The following TRAPPC9 variants were observed in gnomAD, a reference collection of about 807,000 sequenced individuals.
The protein encoded by TRAPPC9 is trafficking protein particle complex subunit 9, also known as IKK2 binding protein.
In TRAPPC9, 83 loss-of-function variants were observed where a neutral mutation model predicts 124.0. The ratio of observed to expected loss-of-function variants is 0.67; its 90% CI spans 0.56 to 0.80. The LOEUF is 0.80. Among genes scored for constraint, TRAPPC9 ranks in the 30% least tolerant of loss-of-function variants. The probability of loss-of-function intolerance (pLI) is 0.00; values close to 1 mark genes in which losing one functional copy is unlikely to be tolerated. For missense variants in TRAPPC9, 1,302 were observed against 1,508.3 expected, an observed-to-expected ratio of 0.86 and a Z score of 2.27; for synonymous variants, 638 against 617.5, an observed-to-expected ratio of 1.03 and a Z score of -0.49.
chr8:139,810,575 G>C (rs545244065), intron 21 of TRAPPC9, among the ~76,000 whole-genome samples: 2 of 152,154 alleles, frequency 1.3e-5, no homozygotes, highest in Non-Finnish European at 2.9e-5. Flanking sequence ...ACTGCGTAAA[G>C]CTCTCCTCCT....
chr8:140,360,919 T>C (rs1305271788), intron 8 of TRAPPC9, among the ~76,000 whole-genome samples: 2 of 152,210 alleles, frequency 1.3e-5, no homozygotes, highest in African/African-American at 4.8e-5. Flanking sequence ...TTTTTTCCAG[T>C]AGAGACAGGG....
At chr8:140,018,575 C>T (rs1839632512) in intron 18 of TRAPPC9, among the ~76,000 whole-genome samples, 1 of 152,000 alleles carries the variant, frequency 6.6e-6, no homozygotes, top group South Asian at 2.1e-4. Flanking sequence ...GATCCACCCA[C>T]CTCAGCCTCC....
rs748147051 is a variant in TRAPPC9 at position 140,024,107 on chromosome 8, C to T, written c.2557-28G>A. The T allele has an allele frequency of 5.6e-6, 9 of 1,608,808 alleles. No homozygotes were observed. In the South Asian group the frequency reaches 8.8e-5, roughly 16 times the overall value. On this transcript the variant is annotated intron_variant, in intron 17 of 22. Transcript: ENST00000438773. ...AAAAGATATTAAAAAAAAAAATACA[C>T]ACACACACATTAGTAACTCTCTAGT...
intron 21 of TRAPPC9, among the ~76,000 whole-genome samples, chr8:139,836,452 G>GT (rs1400711935): frequency 2.0e-5 from 3 of 152,292 alleles, no homozygotes; most frequent in South Asian, 2.1e-4. Flanking sequence ...GAAGCCGCTG[G>GT]GGGGACCTGG....
At chr8:139,743,828 A>C (rs1001151643) in intron 21 of TRAPPC9, among the ~76,000 whole-genome samples, 1 of 152,138 alleles carries the variant, frequency 6.6e-6, no homozygotes, top group African/African-American at 2.4e-5. Flanking sequence ...CTCTACTGCT[A>C]ATGTGGTTGG....
rs2065104261 is a variant in TRAPPC9, at chr8:140,275,948, G to A, written c.2115-127C>T. 6 of 769,684 alleles carry A rather than the reference G, an allele frequency of 7.8e-6. No individual in the cohort carries two copies. The South Asian group carries it at 9.6e-5, about 12-fold the overall frequency. 47.7% of individuals were successfully genotyped at this position (769,684 alleles called of 1,614,324 possible). A position where few individuals can be genotyped will look rare whatever the true frequency, so the allele number is the denominator to read the frequency against. ...CAGAAACAGGGGCTAGGAAATCTGGGCTTCATATATGGAGTTCAGTATCCA... is the reference window on the plus strand; with the variant it reads ...CAGAAACAGGGGCTAGGAAATCTGGACTTCATATATGGAGTTCAGTATCCA... On this transcript the variant is annotated intron_variant, in intron 14 of 22. Transcript: ENST00000438773.
At position 140,097,852 on chromosome 8, in the gene TRAPPC9, G is replaced by A. The variant is rs1341245636; in HGVS notation, c.2557-73773C>T. The A allele has an allele frequency of 6.6e-6, 1 of 152,248 alleles. No individual in the cohort carries two copies. Among genetic ancestry groups the A allele is most frequent in the African/African-American group, 2.4e-5 (1 of 41,446 alleles). The allele number at this position is 152,248 out of a possible 1,614,324, so 9.4% of individuals were successfully genotyped here. A position where few individuals can be genotyped will look rare whatever the true frequency, so the allele number is the denominator to read the frequency against. On this transcript the variant is annotated intron_variant, in intron 17 of 22. Transcript: ENST00000438773. The surrounding 1 kb of genome is among the most constrained non-coding windows in gnomAD (Gnocchi z 4.2). ...CCCAGGTCCTTAGTGCGTGGCTACA[G>A]ACGTGCCGCAGTCCTACCGGGAAAG...
chr8:139,865,410 T>C (rs1229103247), intron 21 of TRAPPC9, among the ~76,000 whole-genome samples: 1 of 152,206 alleles, frequency 6.6e-6, no homozygotes, highest in East Asian at 1.9e-4. Flanking sequence ...CAACAAGCAT[T>C]TACTTTGTAC....
At chr8:139,967,951 G>A (rs1057050326) in intron 19 of TRAPPC9, among the ~76,000 whole-genome samples, 1 of 151,770 alleles carries the variant, frequency 6.6e-6, no homozygotes, top group Non-Finnish European at 1.5e-5. Flanking sequence ...CCAGTCTGGC[G>A]AACATGGTGA....
intron 17 of TRAPPC9, among the ~76,000 whole-genome samples, chr8:140,203,221 T>C (rs571896545): frequency 4.6e-5 from 7 of 152,206 alleles, no homozygotes; most frequent in Non-Finnish European, 8.8e-5. Flanking sequence ...ATAGTATTTA[T>C]AGTCATCTAA....
chr8:140,389,734 A>G (rs191454900), intron 7 of TRAPPC9, among the ~76,000 whole-genome samples: 29 of 152,306 alleles, frequency 1.9e-4, no homozygotes, highest in South Asian at 6.2e-4. Context: ...TCTAAAAGCA[A>G]TAAGTGTCTG....
At chr8:140,275,534 T>C (rs964454865) in intron 15 of TRAPPC9, 124 bp downstream of exon 15, 19 of 1,117,360 alleles carry the variant, frequency 1.7e-5, no homozygotes, top group Non-Finnish European at 2.4e-5. Context: ...GCCTGACTTC[T>C]ACTGACTTCA....
chr8:140,342,089 G>A (rs765468455), intron 9 of TRAPPC9, among the ~76,000 whole-genome samples: 13 of 152,220 alleles, frequency 8.5e-5, no homozygotes, highest in Non-Finnish European at 1.6e-4. Flanking sequence ...GACCAGAAGT[G>A]GCAGAGTCCA....
chr8:140,057,022 G>A (rs1842324338), intron 17 of TRAPPC9, among the ~76,000 whole-genome samples: 1 of 151,950 alleles, frequency 6.6e-6, no homozygotes, highest in South Asian at 2.1e-4. Context: ...ATTAAAAATG[G>A]GCAAAAGATT....
At chr8:140,014,228 G>A (rs970080844) in intron 18 of TRAPPC9, among the ~76,000 whole-genome samples, 3 of 152,100 alleles carry the variant, frequency 2.0e-5, no homozygotes, top group Non-Finnish European at 2.9e-5. Context: ...AGAGTGGATC[G>A]TTTATTGTAA....
In TRAPPC9 at chr8:140,369,682, T is replaced by C. The variant is rs532067106; in HGVS notation, c.1351+1282A>G. On this transcript the variant is annotated intron_variant, in intron 8 of 22. Coordinates refer to ENST00000438773, the MANE Select transcript of TRAPPC9 (RefSeq NM_001160372.4). Reference sequence around the variant, plus strand: ...AAGATACTGAAGAGGCCGGGCATGGTGGCTCATGCCTGTAATCCCAGCACT... The same window carrying C: ...AAGATACTGAAGAGGCCGGGCATGGCGGCTCATGCCTGTAATCCCAGCACT... Among the ~76,000 whole-genome samples the C allele has an allele frequency of 2.0e-3, 298 of 152,234 alleles. 1 individual carries two copies. The highest frequency in any genetic ancestry group is 1.5e-3 in the Non-Finnish European group (104 of 68,008).
intron 18 of TRAPPC9, among the ~76,000 whole-genome samples, chr8:140,008,002 A>G (rs1028058918): frequency 1.3e-5 from 2 of 152,316 alleles, no homozygotes; most frequent in Non-Finnish European, 2.9e-5. Flanking sequence ...AGCACTAGTT[A>G]TGGAGTCGGT....
chr8:140,427,651 T>G (rs996600603), intron 4 of TRAPPC9, among the ~76,000 whole-genome samples: 1 of 152,190 alleles, frequency 6.6e-6, no homozygotes, highest in African/African-American at 2.4e-5. Flanking sequence ...GTCATGTTTA[T>G]CATTAGCTAT....
chr8:139,863,874 G>A (rs767094438), intron 21 of TRAPPC9, among the ~76,000 whole-genome samples: 7 of 152,188 alleles, frequency 4.6e-5, no homozygotes, highest in Non-Finnish European at 5.9e-5. Flanking sequence ...CATTCACACC[G>A]GGCAGGCTGG....
Sources: allele counts gnomAD v4.1 joint callset (sites outside exome capture counted in the v4.1 genomes callset), GRCh38; gene constraint gnomAD v4.1.1; non-coding constraint Gnocchi (gnomAD v3.1); transcripts MANE v1.5; gene names NCBI Gene and HGNC (gene_info 2026-07-23, HGNC 2026-07-21).